MYO5B: variants seen among roughly 807,000 people sequenced by gnomAD.
The protein encoded by MYO5B is myosin VB.
A neutral mutation model predicts 229.3 loss-of-function variants in MYO5B; 143 were observed. The observed-to-expected ratio is 0.62, with a 90% CI of 0.54 to 0.72. The LOEUF (loss-of-function observed/expected upper bound fraction) is 0.72, where lower values mean the gene tolerates loss of function less well. Ranked by LOEUF, MYO5B falls within the 30% of genes least tolerant of loss-of-function variation. The probability of loss-of-function intolerance (pLI) is 0.00; values close to 1 mark genes in which losing one functional copy is unlikely to be tolerated. For synonymous variants in MYO5B, 918 were observed against 885.2 expected (o/e 1.04, Z -0.66); for missense variants, 2,321 against 2,331.0 (o/e 1.00, Z 0.09).
chr18:50,068,920 C>T (rs1352896616), intron 1 of MYO5B, among the ~76,000 whole-genome samples: 1 of 152,136 alleles, frequency 6.6e-6, no homozygotes, highest in Admixed American at 6.5e-5. Context: ...TAATGTCCAC[C>T]TTTAATATAT....
rs1568606097 is a variant in MYO5B at position 49,843,291 on chromosome 18, C to T, written c.4561G>A (p.Val1521Met). ...ATGGTGGAGGTCAGCAGGGAGTGCA[C>T]CTTGAGATCGTCGTTGGTGTAGTCC... The part of the protein sequence containing the change: ...HADYTNDDLK[V>M]HSLLTSTING... Residue 1521 changes from valine to methionine, a missense_variant, in exon 34 of 40, where the codon GTG becomes ATG. Physicochemically the swap from Val to Met is conservative, Grantham distance 21. Coordinates refer to ENST00000285039, the MANE Select transcript of MYO5B (RefSeq NM_001080467.3). 2 of 1,614,152 alleles carry T rather than the reference C, an allele frequency of 1.2e-6. No homozygotes were observed. Among genetic ancestry groups the T allele is most frequent in the East Asian group, 2.2e-5 (1 of 44,878 alleles).
intron 1 of MYO5B, among the ~76,000 whole-genome samples, chr18:50,169,583 G>A (rs1322756149): frequency 7.8e-6 from 1 of 127,426 alleles, no homozygotes; most frequent in Non-Finnish European, 1.7e-5. Context: ...TCCAGGCCAT[G>A]AAAGTCAAGG....
chr18:50,094,615 G>T (rs1212399385), intron 1 of MYO5B, among the ~76,000 whole-genome samples: 1 of 152,142 alleles, frequency 6.6e-6, no homozygotes, highest in East Asian at 1.9e-4. Context: ...TGCCCCATGG[G>T]AACATTTACC....
chr18:50,032,422 G>C (rs952144931), intron 4 of MYO5B, among the ~76,000 whole-genome samples: 2 of 152,144 alleles, frequency 1.3e-5, no homozygotes, highest in Admixed American at 6.5e-5. Flanking sequence ...TGTCTCTATA[G>C]ATTTGCCTAT....
intron 18 of MYO5B, among the ~76,000 whole-genome samples, chr18:49,907,623 C>T (rs1433932349): frequency 6.6e-6 from 1 of 152,254 alleles, no homozygotes; most frequent in African/African-American, 2.4e-5. Flanking sequence ...AATACACACA[C>T]AACATTGCAT....
chr18:50,113,833 G>A (rs2031910883), intron 1 of MYO5B, among the ~76,000 whole-genome samples: 1 of 152,158 alleles, frequency 6.6e-6, no homozygotes, highest in Non-Finnish European at 1.5e-5. Context: ...CATCTCAAAT[G>A]CTATTTTAAA....
chr18:49,996,914 T>C (rs1028677842), intron 5 of MYO5B, among the ~76,000 whole-genome samples: 2 of 152,180 alleles, frequency 1.3e-5, no homozygotes, highest in African/African-American at 4.8e-5. Flanking sequence ...ATAAGATTGG[T>C]AAGGTGTACT....
At chr18:49,876,236 C>G in intron 25 of MYO5B, 1 of 319,550 alleles carries the variant, frequency 3.1e-6, no homozygotes, top group Non-Finnish European at 6.0e-6. Context: ...ACATGGTTAC[C>G]AATCACTGCA....
At chr18:50,077,184 A>G (rs1440296170) in intron 1 of MYO5B, among the ~76,000 whole-genome samples, 9 of 150,746 alleles carry the variant, frequency 6.0e-5, no homozygotes, top group Non-Finnish European at 3.0e-5. Flanking sequence ...AAAAAAAAAA[A>G]AAAAAAAAAG....
At chr18:49,974,698 G>T in intron 9 of MYO5B, 83 bp from the exon 10 acceptor site, 1 of 1,529,176 alleles carries the variant, frequency 6.5e-7, no homozygotes. Flanking sequence ...CTCCTGCCCA[G>T]AGGGAAAACA....
rs551829659 is a variant in MYO5B, at chr18:49,847,176, C to T, written c.4429G>A (p.Glu1477Lys). The T allele has an allele frequency of 4.3e-6, 7 of 1,614,120 alleles. No homozygotes were observed. The highest frequency in any genetic ancestry group is 1.7e-5 in the Admixed American group (1 of 60,014). The change falls in exon 33 of 40, where the codon GAG becomes AAG. Residue 1477 changes from glutamate to lysine, a missense_variant. Physicochemically the swap from Glu to Lys is moderately conservative, Grantham distance 56. This residue lies in a region of MYO5B where 2,113 missense variants were observed against 2,044.7 expected (regional missense o/e 1.03). Transcript: ENST00000285039. ...QGMLEYHKED[E>K]ALLIRNLVTD... ...ACCAGGTTCCGGATGAGGAGGGCCTCGTCCTCTTTGTGGTACTCCAGCATG... is the reference window on the plus strand; with the variant it reads ...ACCAGGTTCCGGATGAGGAGGGCCTTGTCCTCTTTGTGGTACTCCAGCATG...
At chr18:50,020,903 T>C (rs556518639) in intron 4 of MYO5B, among the ~76,000 whole-genome samples, 2 of 152,342 alleles carry the variant, frequency 1.3e-5, no homozygotes, top group African/African-American at 2.4e-5. Flanking sequence ...TCTAATTACA[T>C]ACCTACTCAG....
chr18:50,019,992 C>G (rs1376741201), intron 4 of MYO5B, among the ~76,000 whole-genome samples: 1 of 152,124 alleles, frequency 6.6e-6, no homozygotes, highest in Non-Finnish European at 1.5e-5. Context: ...AAGCATTACA[C>G]ACTGATGGCT....
chr18:50,135,874 A>G (rs2032326981), intron 1 of MYO5B, among the ~76,000 whole-genome samples: 1 of 152,234 alleles, frequency 6.6e-6, no homozygotes, highest in Admixed American at 6.5e-5. Flanking sequence ...TGTGCCTGCA[A>G]GTGGTCTAAC....
At chr18:49,905,402 C>T (rs1174391950) in intron 19 of MYO5B, among the ~76,000 whole-genome samples, 1 of 152,140 alleles carries the variant, frequency 6.6e-6, no homozygotes, top group Non-Finnish European at 1.5e-5. Flanking sequence ...TCTGCCTTCC[C>T]ATCTCACCTC....
chr18:50,174,433 G>A (rs898774122), intron 1 of MYO5B, among the ~76,000 whole-genome samples: 1 of 152,174 alleles, frequency 6.6e-6, no homozygotes, highest in African/African-American at 2.4e-5. Flanking sequence ...CATCAGGGAT[G>A]GAAGCCCTGC....
chr18:50,142,257 ACTGGTTAC>A (rs1223840620), intron 1 of MYO5B, among the ~76,000 whole-genome samples: 12 of 152,216 alleles, frequency 7.9e-5, no homozygotes, highest in Admixed American at 7.9e-4. Context: ...CCAGAACAGT[ACTGGTTAC>A]CATGGCAGGC....
chr18:49,924,747 A>G (rs2025110952), intron 17 of MYO5B, among the ~76,000 whole-genome samples: 1 of 152,118 alleles, frequency 6.6e-6, no homozygotes, highest in African/African-American at 2.4e-5. Context: ...TCTAGGCCTA[A>G]CTCAACCACC....
chr18:50,121,354 T>G, intron 1 of MYO5B, among the ~76,000 whole-genome samples: 1 of 152,248 alleles, frequency 6.6e-6, no homozygotes, highest in Non-Finnish European at 1.5e-5. Context: ...ACTGGTAGCT[T>G]TATATAGTGA....
Sources: allele counts gnomAD v4.1 joint callset (sites outside exome capture counted in the v4.1 genomes callset), GRCh38; gene constraint gnomAD v4.1.1; regional missense constraint gnomAD v4.1.1; transcripts MANE v1.5; gene names NCBI Gene and HGNC (gene_info 2026-07-23, HGNC 2026-07-21).